GLRA2: variants seen among roughly 807,000 people sequenced by gnomAD.
The protein encoded by GLRA2 is glycine receptor alpha 2, also known as glycine receptor subunit alpha-2.
Under a neutral mutation model 31.6 loss-of-function variants are expected in GLRA2, and 11 were observed. The ratio of observed to expected loss-of-function variants is 0.35; its 90% CI spans 0.22 to 0.58. The LOEUF (loss-of-function observed/expected upper bound fraction) is 0.58, where lower values mean the gene tolerates loss of function less well. GLRA2 is among the 20% of genes least tolerant of loss of function. GLRA2 has a pLI of 0.84. For synonymous variants in GLRA2, 132 were observed against 134.0 expected, an observed-to-expected ratio of 0.99 and a Z score of 0.10; for missense variants, 212 against 351.8, an observed-to-expected ratio of 0.60 and a Z score of 3.18.
chrX:14,571,725 TTTTC>T (rs1211485294), intron 2 of GLRA2, among the ~76,000 whole-genome samples: 2 of 109,166 alleles, frequency 1.8e-5, no homozygotes, highest in Non-Finnish European at 3.8e-5. Flanking sequence ...AAAAAACTTT[TTTTC>T]TTTCTAAGGT....
At chrX:14,503,009 A>G in the GLRA2 span, among the ~76,000 whole-genome samples, 1 of 111,179 alleles carries the variant, frequency 9.0e-6, no homozygotes, top group Non-Finnish European at 1.9e-5. Flanking sequence ...ATGCATGCAT[A>G]TTGAGAGACT....
chrX:14,523,865 G>A, the GLRA2 span, among the ~76,000 whole-genome samples: 1 of 111,719 alleles, frequency 9.0e-6, no homozygotes, highest in African/African-American at 3.3e-5. Flanking sequence ...TAATGAAAAA[G>A]TTTGAAAGAT....
chrX:14,657,088 G>A (rs1392779028), intron 7 of GLRA2, among the ~76,000 whole-genome samples: 2 of 111,995 alleles, frequency 1.8e-5, no homozygotes, highest in Admixed American at 9.5e-5. Context: ...TCAAGCGCTA[G>A]ACAAAGAGCA....
chrX:14,518,653 G>GTGTGTGTGTGTT, the GLRA2 span, among the ~76,000 whole-genome samples: 1 of 110,322 alleles, frequency 9.1e-6, no homozygotes, highest in Middle Eastern at 4.7e-3. Context: ...GTGTGTGTGT[G>GTGTGTGTGTGTT]TATGTGTGTG....
At chrX:14,698,602 C>T (rs775953429) in intron 8 of GLRA2, among the ~76,000 whole-genome samples, 29 of 96,933 alleles carry the variant, frequency 3.0e-4, no homozygotes, top group Middle Eastern at 0.012. Context: ...CACTTGAACC[C>T]GGGAGGTGGA....
chrX:14,660,492 G>T (rs2090980783), intron 7 of GLRA2, among the ~76,000 whole-genome samples: 1 of 112,007 alleles, frequency 8.9e-6, no homozygotes, highest in Non-Finnish European at 1.9e-5. Context: ...GGCCATGGAG[G>T]TTTTTGGACA....
intron 6 of GLRA2, among the ~76,000 whole-genome samples, chrX:14,608,293 T>C (rs781554532): frequency 8.9e-6 from 1 of 111,813 alleles, no homozygotes; most frequent in African/African-American, 3.2e-5. Context: ...TACCTTTATA[T>C]GAACTCCTTT....
At chrX:14,510,034 G>A in the GLRA2 span, among the ~76,000 whole-genome samples, 38 of 111,731 alleles carry the variant, frequency 3.4e-4, no homozygotes, top group Admixed American at 3.1e-3. Context: ...ATGTGGGAAA[G>A]GGTCCTGGCA....
chrX:14,674,411 T>C (rs769679073), intron 7 of GLRA2, among the ~76,000 whole-genome samples: 4 of 112,249 alleles, frequency 3.6e-5, no homozygotes, highest in Non-Finnish European at 7.5e-5. Context: ...TGGGGAAAAC[T>C]GCCTTGAATT....
chrX:14,648,162 A>G (rs1266762761), intron 7 of GLRA2, among the ~76,000 whole-genome samples: 1 of 112,397 alleles, frequency 8.9e-6, no homozygotes, highest in Non-Finnish European at 1.9e-5. Flanking sequence ...GTACTTATTG[A>G]GAGTCTGTTA....
intron 3 of GLRA2, among the ~76,000 whole-genome samples, chrX:14,577,237 C>G: frequency 8.8e-6 from 1 of 113,067 alleles, no homozygotes; most frequent in Non-Finnish European, 1.9e-5. Flanking sequence ...CAGGCCAAGG[C>G]CCAAGTTAGC....
chrX:14,495,956 A>T, the GLRA2 span, among the ~76,000 whole-genome samples: 1 of 111,295 alleles, frequency 9.0e-6, no homozygotes, highest in Non-Finnish European at 1.9e-5. Context: ...GTTTTGTTTC[A>T]GATAATCCAA....
At chrX:14,599,282 A>C (rs1183723106) in intron 4 of GLRA2, among the ~76,000 whole-genome samples, 4 of 112,458 alleles carry the variant, frequency 3.6e-5, no homozygotes, top group Non-Finnish European at 7.5e-5. Flanking sequence ...CCTCAGCTCA[A>C]TGCCTTCATG....
the GLRA2 span, among the ~76,000 whole-genome samples, chrX:14,493,665 ATATG>A: frequency 4.1e-5 from 4 of 98,114 alleles, 1 homozygote; most frequent in African/African-American, 1.6e-4. Context: ...GTACACATAT[ATATG>A]TATACATGTG....
At chrX:14,611,086 G>C (rs927912120) in intron 7 of GLRA2, among the ~76,000 whole-genome samples, 3 of 112,725 alleles carry the variant, frequency 2.7e-5, no homozygotes, top group Non-Finnish European at 3.8e-5. Flanking sequence ...AACTGACCAT[G>C]AGGAAATGTA....
the GLRA2 span, among the ~76,000 whole-genome samples, chrX:14,468,429 C>A: frequency 9.0e-6 from 1 of 111,662 alleles, no homozygotes; most frequent in African/African-American, 3.3e-5. Context: ...TTCTTAGATC[C>A]TTTGGATGGA....
the GLRA2 span, among the ~76,000 whole-genome samples, chrX:14,522,127 C>T: frequency 2.7e-5 from 3 of 112,260 alleles, no homozygotes; most frequent in Non-Finnish European, 5.6e-5. Flanking sequence ...GAAGTAAATC[C>T]TCTCAAACCC....
intron 4 of GLRA2, among the ~76,000 whole-genome samples, chrX:14,583,671 G>A (rs975745827): frequency 1.8e-5 from 2 of 111,812 alleles, no homozygotes; most frequent in African/African-American, 3.2e-5. Flanking sequence ...CCTGGGAGGC[G>A]GAGGTTGCAG....
chrX:14,707,144 C>T (rs1238948264), intron 8 of GLRA2, among the ~76,000 whole-genome samples: 1 of 111,720 alleles, frequency 9.0e-6, no homozygotes, highest in East Asian at 2.8e-4. Flanking sequence ...ATTGAATTCC[C>T]GTCCTCTTAA....
Sources: allele counts gnomAD v4.1 joint callset (sites outside exome capture counted in the v4.1 genomes callset), GRCh38; gene constraint gnomAD v4.1.1; transcripts MANE v1.5; gene names NCBI Gene and HGNC (gene_info 2026-07-23, HGNC 2026-07-21).